GABBR2: variants seen among roughly 807,000 people sequenced by gnomAD.
GABBR2 encodes G-protein coupled receptor 51.
Under a neutral mutation model 105.6 loss-of-function variants are expected in GABBR2, and 23 were observed. The observed-to-expected ratio is 0.22, with a 90% CI of 0.16 to 0.31. The LOEUF is 0.31. GABBR2 is among the 10% of genes least tolerant of loss of function. GABBR2 has a pLI of 1.00. For synonymous variants in GABBR2, 478 were observed against 499.7 expected (o/e 0.96, Z 0.58); for missense variants, 734 against 1,245.5 (o/e 0.59, Z 6.18).
intron 13 of GABBR2, among the ~76,000 whole-genome samples, chr9:98,321,875 G>A (rs1830828012): frequency 6.6e-6 from 1 of 152,110 alleles, no homozygotes. Flanking sequence ...TCTCTTGCAT[G>A]CTTTTGCCCC....
At chr9:98,324,303 TG>T (rs915805514) in intron 13 of GABBR2, among the ~76,000 whole-genome samples, 1 of 152,222 alleles carries the variant, frequency 6.6e-6, no homozygotes, top group Non-Finnish European at 1.5e-5. Context: ...AAAGGCAGCC[TG>T]GGCACACTGC....
chr9:98,295,605 A>C (rs1400032703), intron 17 of GABBR2, among the ~76,000 whole-genome samples: 1 of 151,910 alleles, frequency 6.6e-6, no homozygotes, highest in Non-Finnish European at 1.5e-5. Flanking sequence ...GGCTCACTGC[A>C]ACCTCCGCCT....
chr9:98,389,080 TG>T lies in GABBR2; in HGVS notation c.1379-77del, dbSNP rs1832132305. On this transcript the variant is annotated intron_variant, in intron 9 of 18. Transcript: ENST00000259455. ...GAGAACACCTTTGCCTTAGTGTCCCTGACATCCAGCCAGGCCCTGCGCACAA... is the reference window on the plus strand; with the variant it reads ...GAGAACACCTTTGCCTTAGTGTCCCTACATCCAGCCAGGCCCTGCGCACAA... 7 of 1,310,334 alleles carry T rather than the reference TG, an allele frequency of 5.3e-6. No homozygotes were observed. In the Admixed American group the frequency reaches 7.5e-5, roughly 14 times the overall value. The allele number at this position is 1,310,334 out of a possible 1,614,324, so 81.2% of individuals were successfully genotyped here. A position where few individuals can be genotyped will look rare whatever the true frequency, so the allele number is the denominator to read the frequency against.
intron 1 of GABBR2, among the ~76,000 whole-genome samples, chr9:98,650,008 A>G (rs1320296277): frequency 6.6e-6 from 1 of 152,222 alleles, no homozygotes; most frequent in Non-Finnish European, 1.5e-5. Flanking sequence ...TGAGAGCTAT[A>G]AAGAGGTCTC....
At chr9:98,402,355 T>C (rs545705571) in intron 8 of GABBR2, among the ~76,000 whole-genome samples, 1 of 151,196 alleles carries the variant, frequency 6.6e-6, no homozygotes, top group South Asian at 2.1e-4. Flanking sequence ...GCCAATTCTC[T>C]AGTATTCATC....
At chr9:98,426,926 C>T (rs779893851) in intron 7 of GABBR2, among the ~76,000 whole-genome samples, 6 of 152,062 alleles carry the variant, frequency 3.9e-5, no homozygotes, top group East Asian at 1.9e-4. Context: ...TTGCTTGAGC[C>T]GGGGAGGTGG....
intron 1 of GABBR2, among the ~76,000 whole-genome samples, chr9:98,649,111 G>T (rs1015318845): frequency 7.2e-5 from 11 of 152,158 alleles, no homozygotes; most frequent in Non-Finnish European, 1.6e-4. Flanking sequence ...TTCAAAGGCA[G>T]ATTTCTCCTG....
intron 13 of GABBR2, among the ~76,000 whole-genome samples, chr9:98,315,442 GTGA>G (rs1276179875): frequency 6.6e-6 from 1 of 152,264 alleles, no homozygotes; most frequent in Non-Finnish European, 1.5e-5. Context: ...AGTTTTGGGA[GTGA>G]TGATGTTCCT....
intron 12 of GABBR2, among the ~76,000 whole-genome samples, chr9:98,371,052 A>G (rs566739700): frequency 1.3e-5 from 2 of 151,822 alleles, no homozygotes; most frequent in Admixed American, 1.3e-4. Context: ...CACAAGCCCT[A>G]TGCCCCAGCC....
At chr9:98,531,658 G>C (rs1828070250) in intron 3 of GABBR2, among the ~76,000 whole-genome samples, 1 of 152,250 alleles carries the variant, frequency 6.6e-6, no homozygotes, top group African/African-American at 2.4e-5. Context: ...CTGCTAGTGG[G>C]CTGCACTTCC....
intron 13 of GABBR2, among the ~76,000 whole-genome samples, chr9:98,333,141 G>T (rs917707979): frequency 5.9e-5 from 9 of 152,216 alleles, no homozygotes; most frequent in Non-Finnish European, 8.8e-5. Flanking sequence ...GCCAAAGGCC[G>T]GGTAATAAAT....
At chr9:98,294,785 C>T (rs2131337747) in intron 17 of GABBR2, among the ~76,000 whole-genome samples, 1 of 152,280 alleles carries the variant, frequency 6.6e-6, no homozygotes, top group South Asian at 2.1e-4. Flanking sequence ...GCCACAACCT[C>T]AGCATCATTT....
chr9:98,427,321 C>T (rs1178684112), intron 7 of GABBR2, among the ~76,000 whole-genome samples: 1 of 152,190 alleles, frequency 6.6e-6, no homozygotes, highest in African/African-American at 2.4e-5. Flanking sequence ...TTTACTATGG[C>T]TCTTCTAAGC....
intron 1 of GABBR2, among the ~76,000 whole-genome samples, chr9:98,654,026 G>A (rs1225049060): frequency 6.6e-6 from 1 of 152,194 alleles, no homozygotes; most frequent in Non-Finnish European, 1.5e-5. Flanking sequence ...GGACTATCCT[G>A]GGACTTACAT....
chr9:98,408,869 C>T (rs1832535059), intron 7 of GABBR2, among the ~76,000 whole-genome samples: 1 of 152,196 alleles, frequency 6.6e-6, no homozygotes, highest in South Asian at 2.1e-4. Flanking sequence ...CTTACTGCAG[C>T]CTCCACCTTC....
intron 4 of GABBR2, 51 bp from the exon 5 acceptor site, chr9:98,481,048 T>C: frequency 1.8e-6 from 2 of 1,117,478 alleles, no homozygotes; most frequent in Non-Finnish European, 2.8e-6. Flanking sequence ...CAGCACCCCA[T>C]AAAGGGTTCA....
intron 13 of GABBR2, among the ~76,000 whole-genome samples, chr9:98,322,004 G>C (rs1268836996): frequency 6.6e-6 from 1 of 151,918 alleles, no homozygotes; most frequent in Non-Finnish European, 1.5e-5. Context: ...TGAAAAAGGA[G>C]TCCTCACACT....
chr9:98,623,394 A>C (rs1037520518), intron 1 of GABBR2, among the ~76,000 whole-genome samples: 3 of 152,206 alleles, frequency 2.0e-5, no homozygotes, highest in South Asian at 2.1e-4. Flanking sequence ...GTGCCACTGC[A>C]CTCCAGCCTG....
At chr9:98,347,972 C>G (rs1419353742) in intron 13 of GABBR2, among the ~76,000 whole-genome samples, 2 of 152,184 alleles carry the variant, frequency 1.3e-5, no homozygotes, top group Admixed American at 6.5e-5. Flanking sequence ...TGCCTGCCAC[C>G]ATTTAAGATG....
Sources: allele counts gnomAD v4.1 joint callset (sites outside exome capture counted in the v4.1 genomes callset), GRCh38; gene constraint gnomAD v4.1.1; transcripts MANE v1.5; gene names NCBI Gene and HGNC (gene_info 2026-07-23, HGNC 2026-07-21).